Variants in POLE observed in about 807,000 individuals in gnomAD.
The protein encoded by POLE is DNA polymerase epsilon, catalytic subunit, also known as DNA polymerase epsilon catalytic subunit A.
Under a neutral mutation model 279.2 loss-of-function variants are expected in POLE, and 188 were observed. That is an observed-to-expected ratio of 0.67 (90% confidence interval 0.60 to 0.76). The LOEUF is 0.76. POLE is among the 30% of genes least tolerant of loss of function. POLE has a pLI of 0.00. For missense variants in POLE, 2,703 were observed against 3,016.7 expected (o/e 0.90, Z 2.44); for synonymous variants, 1,214 against 1,172.5 (o/e 1.04, Z -0.72).
chr12:132,638,452 G>A (rs1276015535), intron 40 of POLE: 2 of 197,350 alleles, frequency 1.0e-5, no homozygotes, highest in Non-Finnish European at 2.1e-5. Flanking sequence ...CAGAAAAATA[G>A]ACAAAGGACT....
rs780042370 is a variant in POLE at position 132,649,668 on chromosome 12, G to A, written c.3795+9C>T. ...CAGAGACAGACAGTATCACAGCTGT[G>A]TGCCTTACCTGGCTGGTTCCCAGGG... On this transcript the variant is annotated intron_variant, in intron 30 of 48. Transcript: ENST00000320574. 3.7e-6 allele frequency: 6 copies of A among 1,613,432 alleles called. No individual in the cohort carries two copies. In the Admixed American group the frequency reaches 5.0e-5, roughly 13 times the overall value.
chr12:132,682,643 C>A (rs2043194092), intron 1 of POLE, among the ~76,000 whole-genome samples: 1 of 151,976 alleles, frequency 6.6e-6, no homozygotes, highest in African/African-American at 2.4e-5. Flanking sequence ...GAGAATCAAT[C>A]TACAATTACC....
chr12:132,659,562 G>A (rs2042634097), intron 25 of POLE, 53 bp from the exon 26 acceptor site: 1 of 1,491,422 alleles, frequency 6.7e-7, no homozygotes, highest in Admixed American at 1.7e-5. Context: ...CAGAGTCTGA[G>A]CTCACCCTGG....
rs1593084875 is a variant in POLE, at chr12:132,679,487, C to A, written c.578+10G>T. 1 of 1,595,172 alleles carries A rather than the reference C, an allele frequency of 6.3e-7. No individual in the cohort carries two copies. The highest frequency in any genetic ancestry group is 8.6e-7 in the Non-Finnish European group (1 of 1,164,628). On this transcript the variant is annotated intron_variant, in intron 6 of 48. Transcript: ENST00000320574. ...ACCGCTGATGCTTTGCTCACAAGAC[C>A]AAAGTTTACCTGGAAAGCAGAGCTG...
At chr12:132,625,070 G>A (rs1593694472) in intron 47 of POLE, 76 bp from the exon 48 acceptor site, 7 of 1,080,946 alleles carry the variant, frequency 6.5e-6, no homozygotes, top group Admixed American at 3.8e-5. Flanking sequence ...TCACAGGCTC[G>A]CGAGACACAT....
In POLE at chr12:132,677,677, G is replaced by T. The variant is rs778607648; in HGVS notation, c.621C>A (p.Thr207=). The T allele has an allele frequency of 6.2e-7, 1 of 1,614,134 alleles. No homozygotes were observed. Residue 207 remains threonine, a synonymous_variant, in exon 7 of 49, where the codon ACC becomes ACA. Transcript: ENST00000320574. ...CCAACTGGTCAGCTATCTTCTTAGA[G>T]GTTTCCTCTTCATCAGTAATGACAC... ...RGGVITDEEE[T]SKKIADQLDN...
Position 132,673,556 on chromosome 12 carries a change from C to T in POLE, c.1359+19G>A, listed in dbSNP as rs375000942. ...GCGTGCACACGGCAGCAGGGGCAGCCGGGATGTGGCTTACGTGCCTGGGGC... is the reference window on the plus strand; with the variant it reads ...GCGTGCACACGGCAGCAGGGGCAGCTGGGATGTGGCTTACGTGCCTGGGGC... On this transcript the variant is annotated intron_variant, in intron 13 of 48. Coordinates refer to ENST00000320574, the MANE Select transcript of POLE (RefSeq NM_006231.4). 6.9e-5 allele frequency: 110 copies of T among 1,599,538 alleles called. No individual in the cohort carries two copies. The African/African-American group carries it at 1.1e-3, about 16-fold the overall frequency.
intron 40 of POLE, chr12:132,638,442 C>T (rs2042076973): frequency 9.8e-6 from 2 of 204,062 alleles, no homozygotes; most frequent in African/African-American, 4.7e-5. Flanking sequence ...ACCAAAACTA[C>T]AGAAAAATAG....
chr12:132,651,539 G>GA (rs1184568450), intron 29 of POLE: 9 of 152,272 alleles, frequency 5.9e-5, no homozygotes, highest in Admixed American at 5.9e-4. Context: ...CAGTAAGGCT[G>GA]AACATCTTGG....
chr12:132,658,262 C>G (rs2042592956), intron 26 of POLE: 1 of 312,650 alleles, frequency 3.2e-6, no homozygotes, highest in Admixed American at 4.8e-5. Context: ...GTAGACATGT[C>G]TGCGTTTCTC....
rs930712919 is a variant in POLE, at chr12:132,648,096, G to A, written c.4149+833C>T. Reference sequence around the variant, plus strand: ...CCGACACATTAACAACGGGGAGTTCGGGTGGAGATGCCATCTAAGAGCCTC... The same window carrying A: ...CCGACACATTAACAACGGGGAGTTCAGGTGGAGATGCCATCTAAGAGCCTC... On this transcript the variant is annotated intron_variant, in intron 32 of 48. Transcript: ENST00000320574. Among the ~76,000 whole-genome samples the A allele has an allele frequency of 3.9e-5, 6 of 152,116 alleles. No homozygotes were observed. The South Asian group carries it at 1.0e-3, about 26-fold the overall frequency.
At chr12:132,676,680 C>T (rs369586154) in intron 8 of POLE, 27 bp from the exon 9 acceptor site, 2 of 1,483,564 alleles carry the variant, frequency 1.3e-6, no homozygotes, top group Non-Finnish European at 1.9e-6. Context: ...AGCATAAAGC[C>T]AAGCTCTAAA....
At position 132,639,165 on chromosome 12, in the gene POLE, G is replaced by A. The variant is rs2138508846; in HGVS notation, c.5512C>T (p.His1838Tyr). The A allele has an allele frequency of 6.2e-7, 1 of 1,614,158 alleles. No homozygotes were observed. The highest frequency in any genetic ancestry group is 1.1e-5 in the South Asian group (1 of 91,088). The change falls in exon 40 of 49, where the codon CAC becomes TAC. Residue 1838 changes from histidine (H) to tyrosine (Y), a missense_variant. Coordinates refer to ENST00000320574, the MANE Select transcript of POLE (RefSeq NM_006231.4). The surrounding 1 kb of genome is among the most constrained non-coding windows in gnomAD (Gnocchi z 4.7). ...TTCATCATGTTGTGGAGTGTGCGGT[G>A]CAGGGCAGGGTCATGAAGCAGAGAG... Reference protein sequence around the residue: ...PSSLLHDPALHRTLHNMMKKL... With the variant: ...PSSLLHDPALYRTLHNMMKKL...
chr12:132,635,712 C>G (rs1294477082), intron 42 of POLE, among the ~76,000 whole-genome samples, 180 bp downstream of exon 42: 1 of 152,258 alleles, frequency 6.6e-6, no homozygotes, highest in Non-Finnish European at 1.5e-5. Context: ...GCTGACGCCA[C>G]ACTCCACACT....
chr12:132,626,089 TG>T, intron 46 of POLE, 27 bp downstream of exon 46: 1 of 1,567,484 alleles, frequency 6.4e-7, no homozygotes, highest in Non-Finnish European at 8.7e-7. Context: ...TGCTCCACAG[TG>T]AAGGGCCCGC....
chr12:132,648,655 T>G, intron 32 of POLE: 1 of 355,876 alleles, frequency 2.8e-6, no homozygotes, highest in Non-Finnish European at 5.1e-6. Context: ...GGAGACAGAG[T>G]TCACAATCTC....
intron 32 of POLE, 131 bp downstream of exon 32, chr12:132,648,798 T>G: frequency 8.3e-6 from 8 of 965,704 alleles, no homozygotes; most frequent in Non-Finnish European, 1.2e-5. Context: ...CTCACACACG[T>G]TGTTTTGAGG....
rs746745345 is a variant in POLE at position 132,657,116 on chromosome 12, C to A, written c.3582+20G>T. 4 of 1,613,262 alleles carry A rather than the reference C, an allele frequency of 2.5e-6. No individual in the cohort carries two copies. The highest frequency in any genetic ancestry group is 3.4e-6 in the Non-Finnish European group (4 of 1,179,638). ...GTCACAAGGATCCCGCCCAGCCCAG[C>A]CTTGGGGCCCCACCGTCACCTGTCT... On this transcript the variant is annotated intron_variant, in intron 29 of 48. Transcript: ENST00000320574.
intron 44 of POLE, 49 bp downstream of exon 44, chr12:132,632,615 T>C (rs2041956512): frequency 1.2e-6 from 2 of 1,612,412 alleles, no homozygotes; most frequent in Non-Finnish European, 1.7e-6. Context: ...ACAGAGGAGT[T>C]AGGTCACTGG....
Sources: gnomAD v4.1 joint callset for allele counts (sites outside exome capture counted in the v4.1 genomes callset) on GRCh38, gnomAD v4.1.1 for gene constraint, Gnocchi (gnomAD v3.1) non-coding constraint, MANE v1.5 for transcripts, NCBI Gene and HGNC (gene_info 2026-07-23, HGNC 2026-07-21) for gene names.